KCNMA1: variants seen among roughly 807,000 people sequenced by gnomAD.
KCNMA1 encodes Calcium-activated potassium channel subunit alpha-1.
In KCNMA1, 29 loss-of-function variants were observed where a neutral mutation model predicts 140.0. The ratio of observed to expected loss-of-function variants is 0.21; its 90% confidence interval spans 0.15 to 0.28. KCNMA1 has a LOEUF of 0.28. Among genes scored for constraint, KCNMA1 ranks in the 10% least tolerant of loss-of-function variants. The pLI, the probability that KCNMA1 is intolerant of heterozygous loss-of-function variation, is 1.00. For missense variants in KCNMA1, 880 were observed against 1,602.2 expected, an observed-to-expected ratio of 0.55 and a Z score of 7.70; for synonymous variants, 612 against 611.9, an observed-to-expected ratio of 1.00 and a Z score of 0.00.
At chr10:77,404,155 A>G in intron 1 of KCNMA1, 132 bp from the exon 2 acceptor site, 1 of 745,542 alleles carries the variant, frequency 1.3e-6, no homozygotes, top group East Asian at 2.6e-5. Context: ...ATAGGAGTAA[A>G]GCAGAAGGGG....
intron 2 of KCNMA1, among the ~76,000 whole-genome samples, chr10:77,253,146 T>C (rs2060014278): frequency 6.6e-6 from 1 of 152,334 alleles, no homozygotes; most frequent in Admixed American, 6.5e-5. Flanking sequence ...TTCTGAGGCA[T>C]AAGCAGTTAG....
At chr10:77,634,284 G>A (rs534721970) in intron 1 of KCNMA1, 1 of 985,398 alleles carries the variant, frequency 1.0e-6, no homozygotes, top group Admixed American at 6.1e-5. Context: ...ACACAGTACT[G>A]GAATGACTGT....
chr10:77,270,133 C>T (rs746581780), intron 2 of KCNMA1, among the ~76,000 whole-genome samples: 9 of 152,332 alleles, frequency 5.9e-5, no homozygotes, highest in Admixed American at 1.3e-4. Context: ...TGGATAGCTG[C>T]TTCCTGCCAG....
At chr10:77,210,309 A>G (rs2154172527) in intron 3 of KCNMA1, among the ~76,000 whole-genome samples, 1 of 152,346 alleles carries the variant, frequency 6.6e-6, no homozygotes, top group African/African-American at 2.4e-5. Context: ...AATTAAAAGC[A>G]AAAACACATG....
rs139991261 is a variant in KCNMA1 at position 77,236,151 on chromosome 10, G to A, written c.602+15044C>T. On this transcript the variant is annotated intron_variant, in intron 3 of 27. Transcript: ENST00000286628. The stretch of plus-strand genomic sequence containing the variant: ...AAACTTTGAACTCCGAGGCCCGGGC[G>A]AACTTTCTCGATTGACAGTACTCCT... Among the ~76,000 whole-genome samples the A allele has an allele frequency of 3.5e-3, 530 of 152,250 alleles. 2 individuals carry two copies. Among genetic ancestry groups the A allele is most frequent in the South Asian group, 8.9e-3 (43 of 4,828 alleles).
At position 76,976,675 on chromosome 10, in the gene KCNMA1, G is replaced by A. The variant is rs556169819; in HGVS notation, c.2267-6608C>T. The stretch of plus-strand genomic sequence containing the variant: ...CTAGAATCGCAGCTCATATATCTTC[G>A]CTGTAGACTTGACCTGTTAGAATCA... On this transcript the variant is annotated intron_variant, in intron 19 of 27. Transcript: ENST00000286628. Among the ~76,000 whole-genome samples the A allele has an allele frequency of 2.0e-5, 3 of 152,140 alleles. No homozygotes were observed. The South Asian group carries it at 6.2e-4, about 32-fold the overall frequency.
At chr10:76,949,439 A>G (rs1012429862) in intron 21 of KCNMA1, 73 bp from the exon 22 acceptor site, 12 of 1,245,854 alleles carry the variant, frequency 9.6e-6, no homozygotes, top group African/African-American at 1.5e-5. Context: ...GAAATAAATC[A>G]TTTGTGCAAA....
intron 1 of KCNMA1, among the ~76,000 whole-genome samples, chr10:77,480,381 C>G (rs2098367092): frequency 6.6e-6 from 1 of 152,214 alleles, no homozygotes; most frequent in South Asian, 2.1e-4. Flanking sequence ...AGTCATAAAA[C>G]CCTGGTCTGA....
chr10:77,215,044 G>T lies in KCNMA1; in HGVS notation c.603-30128C>A, dbSNP rs539357851. Among the ~76,000 whole-genome samples the T allele has an allele frequency of 2.8e-4, 42 of 152,098 alleles. No individual in the cohort carries two copies. The South Asian group carries it at 8.5e-3, about 31-fold the overall frequency. On this transcript the variant is annotated intron_variant, in intron 3 of 27. Coordinates refer to ENST00000286628, the MANE Select transcript of KCNMA1 (RefSeq NM_001161352.2). ...TGCTGTTTGACATCTTCTCTTTCAG[G>T]TGTCACAGACTTCTTAAACTGAACA...
chr10:77,601,640 C>G (rs1425595856), intron 1 of KCNMA1, among the ~76,000 whole-genome samples: 1 of 152,188 alleles, frequency 6.6e-6, no homozygotes, highest in Non-Finnish European at 1.5e-5. Context: ...CAGGAGTCAG[C>G]AAGACACTGG....
intron 2 of KCNMA1, among the ~76,000 whole-genome samples, chr10:77,304,855 C>A (rs1417910633): frequency 6.6e-6 from 1 of 152,204 alleles, no homozygotes; most frequent in Non-Finnish European, 1.5e-5. Context: ...GACTCCTTGC[C>A]AAAGGCCATT....
rs182292687 is a variant in KCNMA1, at chr10:76,925,954, G to A, written c.2903-10905C>T. ...CCAGCTATCTCTGAATGGTTCTAGA[G>A]ACAAGACGCCTGGCCCAAGATAGCA... is the stretch of plus-strand genomic sequence containing the variant. On this transcript the variant is annotated intron_variant, in intron 23 of 27. Coordinates refer to ENST00000286628, the MANE Select transcript of KCNMA1 (RefSeq NM_001161352.2). Among the ~76,000 whole-genome samples the A allele has an allele frequency of 2.0e-5, 3 of 152,354 alleles. No individual in the cohort carries two copies. The East Asian group carries it at 5.8e-4, about 29-fold the overall frequency.
intron 21 of KCNMA1, among the ~76,000 whole-genome samples, chr10:76,950,971 A>C (rs1211879492): frequency 1.3e-5 from 2 of 152,190 alleles, no homozygotes; most frequent in Non-Finnish European, 2.9e-5. Flanking sequence ...ACGGAAGTGC[A>C]AGTGCCTGGG....
At chr10:76,889,108 ACTAG>A (rs2038764717) in intron 27 of KCNMA1, among the ~76,000 whole-genome samples, 1 of 152,144 alleles carries the variant, frequency 6.6e-6, no homozygotes. Context: ...TATCTTAAAC[ACTAG>A]CAATGTAAAA....
chr10:77,120,646 T>C (rs925534908), intron 6 of KCNMA1, among the ~76,000 whole-genome samples: 1 of 152,174 alleles, frequency 6.6e-6, no homozygotes, highest in Non-Finnish European at 1.5e-5. Context: ...CTATCCCTCA[T>C]TCACTGTGCA....
chr10:77,373,757 T>C (rs2094901726), intron 2 of KCNMA1: 1 of 152,212 alleles, frequency 6.6e-6, no homozygotes, highest in Admixed American at 6.5e-5. Context: ...ATCTATCTAA[T>C]TGACTATTTA....
intron 20 of KCNMA1, among the ~76,000 whole-genome samples, chr10:76,959,569 G>A (rs1401501394): frequency 6.6e-6 from 1 of 152,168 alleles, no homozygotes; most frequent in Non-Finnish European, 1.5e-5. Flanking sequence ...CTCAAGAAGT[G>A]TTAACTAGTC....
chr10:77,337,080 C>T (rs745382223), intron 2 of KCNMA1, among the ~76,000 whole-genome samples: 9 of 152,150 alleles, frequency 5.9e-5, no homozygotes, highest in Non-Finnish European at 1.0e-4. Flanking sequence ...TTCCAGAACT[C>T]GGAGACAAGT....
chr10:77,030,125 G>C (rs35713528), intron 15 of KCNMA1, among the ~76,000 whole-genome samples: 3,461 of 152,288 alleles, frequency 0.023, 63 homozygotes, highest in South Asian at 0.055. Flanking sequence ...TCAGCAGACA[G>C]TCAGATGTCA....
Sources: allele counts gnomAD v4.1 joint callset (sites outside exome capture counted in the v4.1 genomes callset), GRCh38; gene constraint gnomAD v4.1.1; transcripts MANE v1.5; gene names NCBI Gene and HGNC (gene_info 2026-07-23, HGNC 2026-07-21).